The following FASTKD1 variants were observed in gnomAD, a reference collection of about 807,000 sequenced individuals.
FASTKD1 encodes the protein FAST kinase domains 1, also known as FAST kinase domain-containing protein 1, mitochondrial.
FASTKD1 carries 94 observed loss-of-function variants against 90.9 expected under a neutral mutation model. The observed-to-expected ratio is 1.03, with a 90% confidence interval of 0.88 to 1.23. FASTKD1 has a LOEUF of 1.23. Ranked by LOEUF, FASTKD1 falls within the 50% of genes most tolerant of loss-of-function variation. FASTKD1 has a pLI of 0.00. For synonymous variants in FASTKD1, 319 were observed against 345.8 expected, an observed-to-expected ratio of 0.92 and a Z score of 0.86; for missense variants, 945 against 993.5, an observed-to-expected ratio of 0.95 and a Z score of 0.66.
intron 7 of FASTKD1, 55 bp from the exon 8 acceptor site, chr2:169,546,759 T>C (rs781771669): frequency 1.0e-4 from 152 of 1,492,586 alleles, no homozygotes; most frequent in Middle Eastern, 5.6e-4. Context: ...AATATATATG[T>C]ATTAAAATAT....
chr2:169,572,283 T>A lies in FASTKD1; in HGVS notation c.-142-112A>T, dbSNP rs543959565. On this transcript the variant is annotated intron_variant, in intron 1 of 14. Coordinates refer to ENST00000453153, the MANE Select transcript of FASTKD1 (RefSeq NM_024622.6). The stretch of plus-strand genomic sequence containing the variant: ...TCTGCATTAACTAAAGACTTTTTCT[T>A]AGTCTAAACCAGATAGCAGAATTTG... The A allele has an allele frequency of 2.0e-4, 56 of 277,596 alleles. 1 individual carries two copies. In the South Asian group the frequency reaches 6.1e-3, roughly 30 times the overall value. The allele number at this position is 277,596 out of a possible 1,614,324, so 17.2% of individuals were successfully genotyped here.
rs1322075834 is a variant in FASTKD1, at chr2:169,573,763, A to T, written c.-237T>A. 1 of 152,218 alleles carries T rather than the reference A, an allele frequency of 6.6e-6. No individual in the cohort carries two copies. Among genetic ancestry groups the T allele is most frequent in the Non-Finnish European group, 1.5e-5 (1 of 68,038 alleles). The allele number at this position is 152,218 out of a possible 1,614,324, so 9.4% of individuals were successfully genotyped here. ...AGGGTTATTCCTGGTCCCAACACGG[A>T]ACGAAACAGGCTCGGATGTCTCGCC... On this transcript the variant is annotated 5_prime_UTR_variant, in exon 1 of 15. Coordinates refer to ENST00000453153, the MANE Select transcript of FASTKD1 (RefSeq NM_024622.6).
intron 7 of FASTKD1, among the ~76,000 whole-genome samples, chr2:169,549,269 T>C (rs1313853871): frequency 6.7e-6 from 1 of 149,722 alleles, no homozygotes; most frequent in African/African-American, 2.5e-5. Context: ...GGGTGGCGCA[T>C]GTAATGCGCT....
At chr2:169,530,784 T>A (rs1684447244) in intron 13 of FASTKD1, 83 bp from the exon 14 acceptor site, 1 of 751,704 alleles carries the variant, frequency 1.3e-6, no homozygotes, top group Non-Finnish European at 2.2e-6. Flanking sequence ...CAAGATTGCA[T>A]CTTTATAAAC....
intron 7 of FASTKD1, among the ~76,000 whole-genome samples, chr2:169,553,271 C>CAAAAAAAAAAAAA (rs374454211): frequency 2.5e-5 from 2 of 79,202 alleles, no homozygotes; most frequent in African/African-American, 5.2e-5. Context: ...TAAAAGCATG[C>CAAAAAAAAAAAAA]AAAAAAAAAA....
At position 169,540,144 on chromosome 2, in the gene FASTKD1, A is replaced by G. The variant is rs775593326; in HGVS notation, c.1852T>C (p.Phe618Leu). 20 of 1,598,782 alleles carry G rather than the reference A, an allele frequency of 1.3e-5. No homozygotes were observed. The East Asian group carries it at 4.3e-4, about 34-fold the overall frequency. ...AAATATTCAAGTGTGGCCAAAGAGA[A>G]ACCAAGAAACACTAATATAAAAGGA... Reference protein sequence around the residue: ...LDPFILVFLGFSLATLEYFPE... With the variant: ...LDPFILVFLGLSLATLEYFPE... Residue 618 changes from phenylalanine (F) to leucine (L), a missense_variant, in exon 10 of 15, where the codon TTC becomes CTC. Transcript: ENST00000453153.
chr2:169,561,748 A>ATAAATTATTTATTAATTTATTG lies in FASTKD1; in HGVS notation c.573-985_573-964dup, dbSNP rs1270462896. On this transcript the variant is annotated intron_variant, in intron 4 of 14. Transcript: ENST00000453153. ...ATCTATTATAAATTAATTATTCATT[A>ATAAATTATTTATTAATTTATTG]TAAATTATTTATTAATTTATTGTAA... Among the ~76,000 whole-genome samples the ATAAATTATTTATTAATTTATTG allele has an allele frequency of 4.6e-3, 337 of 73,808 alleles. 2 individuals carry two copies. The highest frequency in any genetic ancestry group is 6.9e-3 in the Non-Finnish European group (224 of 32,288). The allele number at this position is 73,808 out of a possible 152,430, so 48.4% of individuals were successfully genotyped here.
At chr2:169,551,539 G>A (rs1294135526) in intron 7 of FASTKD1, among the ~76,000 whole-genome samples, 1 of 152,176 alleles carries the variant, frequency 6.6e-6, no homozygotes, top group African/African-American at 2.4e-5. Context: ...GCTCATGCCT[G>A]TAACCCCAGC....
At chr2:169,568,413 T>C (rs1172042487) in intron 3 of FASTKD1, among the ~76,000 whole-genome samples, 3 of 152,136 alleles carry the variant, frequency 2.0e-5, no homozygotes. Context: ...CTATCTTATT[T>C]ATATTTCAAC....
chr2:169,565,249 CTTTTTTTTTTTTTTTTT>C (rs71003101), intron 3 of FASTKD1, among the ~76,000 whole-genome samples: 2 of 26,518 alleles, frequency 7.5e-5, no homozygotes, highest in African/African-American at 2.7e-4. Context: ...CCACACCAGG[CTTTTTTTTTTTTTTTTT>C]TTTTTTTTTT....
intron 12 of FASTKD1, among the ~76,000 whole-genome samples, chr2:169,533,079 T>C (rs937558210): frequency 6.6e-6 from 1 of 152,196 alleles, no homozygotes; most frequent in African/African-American, 2.4e-5. Flanking sequence ...TCCTTGATCA[T>C]TGAGTTCATT....
At chr2:169,554,982 G>T in intron 7 of FASTKD1, 142 bp downstream of exon 7, 1 of 709,914 alleles carries the variant, frequency 1.4e-6, no homozygotes. Flanking sequence ...TGGCCACGGA[G>T]GGAGATAGTG....
chr2:169,544,669 A>G lies in FASTKD1; in HGVS notation c.1816+52T>C, dbSNP rs961264071. On this transcript the variant is annotated intron_variant, in intron 9 of 14. Transcript: ENST00000453153. The stretch of plus-strand genomic sequence containing the variant: ...AGGGACATCTCCTAGCTCAGCAGCA[A>G]CAAGTATCCTCTGACTTATTCACTC... 6 of 980,012 alleles carry G rather than the reference A, an allele frequency of 6.1e-6. No homozygotes were observed. The East Asian group carries it at 1.5e-4, about 24-fold the overall frequency. The allele number at this position is 980,012 out of a possible 1,614,324, so 60.7% of individuals were successfully genotyped here.
chr2:169,565,266 TTTTTTTTTTTTTTTG>T (rs1683914440), intron 3 of FASTKD1, among the ~76,000 whole-genome samples: 1 of 118,880 alleles, frequency 8.4e-6, no homozygotes, highest in African/African-American at 3.2e-5. Context: ...TTTTTTTTTT[TTTTTTTTTTTTTTTG>T]AGAGGGAGTC....
chr2:169,539,195 T>G (rs964135565), intron 10 of FASTKD1, among the ~76,000 whole-genome samples: 9 of 149,556 alleles, frequency 6.0e-5, no homozygotes, highest in Non-Finnish European at 1.3e-4. Context: ...TCACTTGAAA[T>G]GGGAAGGTGG....
At chr2:169,554,571 G>A (rs1685659186) in intron 7 of FASTKD1, among the ~76,000 whole-genome samples, 1 of 114,838 alleles carries the variant, frequency 8.7e-6, no homozygotes, top group African/African-American at 2.9e-5. Context: ...GGCTGAGGCA[G>A]GAGAATTGCT....
At chr2:169,542,235 C>T (rs1479274451) in intron 9 of FASTKD1, among the ~76,000 whole-genome samples, 1 of 152,186 alleles carries the variant, frequency 6.6e-6, no homozygotes. Flanking sequence ...TTTTTACTCT[C>T]TCCTGTATCT....
chr2:169,556,828 A>AAAACAAACAAACAAAC (rs140987027), intron 6 of FASTKD1, among the ~76,000 whole-genome samples: 1 of 148,298 alleles, frequency 6.7e-6, no homozygotes. Flanking sequence ...CTCTGTCTCA[A>AAAACAAACAAACAAAC]AAACAAACAA....
Position 169,529,912 on chromosome 2 carries a change from T to G in FASTKD1, c.2457A>C (p.Glu819Asp). 6.8e-6 allele frequency: 11 copies of G among 1,609,418 alleles called. No homozygotes were observed. The highest frequency in any genetic ancestry group is 9.3e-6 in the Non-Finnish European group (11 of 1,177,914). ...TTGTTGACAGTGCCATAGAGTTCCA[T>G]TCAAACTGGGAAATCTGAAAATAAG... ...GYRVIQISQF[E>D]WNSMALSTKD... Residue 819 changes from glutamate to aspartate, a missense_variant, in exon 15 of 15, where the codon GAA becomes GAC. Transcript: ENST00000453153.
Sources: gnomAD v4.1 joint callset for allele counts (sites outside exome capture counted in the v4.1 genomes callset) on GRCh38, gnomAD v4.1.1 for gene constraint, MANE v1.5 for transcripts, NCBI Gene and HGNC (gene_info 2026-07-23, HGNC 2026-07-21) for gene names.